The following SETD9 variants were observed in gnomAD, a reference collection of about 807,000 sequenced individuals.
The protein encoded by SETD9 is SET domain-containing protein 9.
In SETD9, 37 loss-of-function variants were observed where a neutral mutation model predicts 36.4. The ratio of observed to expected loss-of-function variants is 1.02; its 90% CI spans 0.78 to 1.34. SETD9 has a LOEUF of 1.34. Among genes scored for constraint, SETD9 ranks in the 40% most tolerant of loss-of-function variants. The pLI, the probability that SETD9 is intolerant of heterozygous loss-of-function variation, is 0.00. For synonymous variants in SETD9, 128 were observed against 132.9 expected (o/e 0.96, Z 0.26); for missense variants, 323 against 353.2 (o/e 0.91, Z 0.69).
downstream of SETD9, chr5:56,928,671 G>T (rs180973461): frequency 1.2e-6 from 1 of 825,358 alleles, no homozygotes. Context: ...GGGAACATTA[G>T]TAAGTTGTTC....
At chr5:56,923,912 T>C (rs375975736) in intron 5 of SETD9, 70 of 1,613,990 alleles carry the variant, frequency 4.3e-5, no homozygotes, top group Non-Finnish European at 5.8e-5. Flanking sequence ...CCACAGTACT[T>C]ACGTAACTCC....
downstream of SETD9, among the ~76,000 whole-genome samples, chr5:56,927,009 A>C (rs1750018815): frequency 6.6e-6 from 1 of 152,202 alleles, no homozygotes; most frequent in Non-Finnish European, 1.5e-5. Context: ...ATACTGTATA[A>C]TTCCAACTAT....
chr5:56,917,409 CATT>C (rs1749482785), downstream of SETD9: 7 of 733,106 alleles, frequency 9.5e-6, no homozygotes, highest in Non-Finnish European at 1.2e-5. Flanking sequence ...AATGTGAGGT[CATT>C]ATTACTATTT....
chr5:56,917,620 C>A (rs1263496343), downstream of SETD9, among the ~76,000 whole-genome samples: 1 of 152,136 alleles, frequency 6.6e-6, no homozygotes, highest in Non-Finnish European at 1.5e-5. Context: ...AACTAGGCAC[C>A]CATGTCCTAT....
At chr5:56,919,240 C>G (rs1749552298), downstream of SETD9, among the ~76,000 whole-genome samples, 1 of 151,638 alleles carries the variant, frequency 6.6e-6, no homozygotes, top group South Asian at 2.1e-4. Flanking sequence ...ATTTTCCTGC[C>G]TCAGCCTCCT....
chr5:56,924,099 ACTTTT>A (rs1184832444), intron 5 of SETD9: 5 of 1,569,848 alleles, frequency 3.2e-6, no homozygotes, highest in Non-Finnish European at 4.3e-6. Flanking sequence ...TTTTTAAGCA[ACTTTT>A]CTTTTCCACA....
At chr5:56,923,977 A>G (rs370145330) in intron 5 of SETD9, 60 of 1,613,988 alleles carry the variant, frequency 3.7e-5, no homozygotes, top group Non-Finnish European at 5.0e-5. Context: ...CAAAGTAATC[A>G]TAACGTTCAG....
downstream of SETD9, among the ~76,000 whole-genome samples, chr5:56,918,978 C>T (rs909710775): frequency 2.6e-5 from 4 of 152,122 alleles, no homozygotes; most frequent in African/African-American, 9.7e-5. Context: ...ACTAGTTGAC[C>T]ATAAATGTAG....
rs1233866540 is a variant in SETD9, at chr5:56,916,881, C to G, written c.879C>G (p.Asn293Lys). 6.2e-7 allele frequency: 1 copy of G among 1,605,738 alleles called. No homozygotes were observed. The highest frequency in any genetic ancestry group is 8.5e-7 in the Non-Finnish European group (1 of 1,177,146). ...ATCAAGGAGAAGAGCTTTTTTCAAACTACTACACAATTGTCAGCTAACTCT... is the reference window on the plus strand; with the variant it reads ...ATCAAGGAGAAGAGCTTTTTTCAAAGTACTACACAATTGTCAGCTAACTCT... ...DINQGEELFS[N>K]YYTIVS is the part of the protein sequence containing the mutation. The change falls in exon 6 of 6, where the codon AAC becomes AAG. Residue 293 changes from asparagine (N) to lysine (K), a missense_variant. Transcript: ENST00000285947.
chr5:56,923,901 G>T (rs774572005), intron 5 of SETD9: 1 of 1,613,860 alleles, frequency 6.2e-7, no homozygotes, highest in African/African-American at 1.3e-5. Context: ...TGAAGGCAAG[G>T]CCACAGTACT....
chr5:56,924,006 A>G, intron 5 of SETD9: 1 of 1,614,056 alleles, frequency 6.2e-7, no homozygotes. Flanking sequence ...CACATATAGT[A>G]GAATGCTACA....
In SETD9 at chr5:56,909,652, G is replaced by C. The variant is rs141021686; in HGVS notation, c.7G>C (p.Gly3Arg). 5.0e-6 allele frequency: 8 copies of C among 1,607,110 alleles called. No individual in the cohort carries two copies. The highest frequency in any genetic ancestry group is 6.8e-6 in the Non-Finnish European group (8 of 1,177,628). Reference sequence around the variant, plus strand: ...ACGGCCCCGCGGGGCAGCCATGCCTGGCCGTCTGCTGCGGGGCCTGTGGCA... The same window carrying C: ...ACGGCCCCGCGGGGCAGCCATGCCTCGCCGTCTGCTGCGGGGCCTGTGGCA... The part of the protein sequence containing the change: MP[G>R]RLLRGLWQRW... The change falls in exon 1 of 6, where the codon GGC (glycine) becomes CGC (arginine). Residue 3 changes from glycine (G) to arginine (R), a missense_variant. Gly to Arg is a moderately radical substitution (Grantham distance 125). Transcript: ENST00000285947.
chr5:56,928,246 A>G (rs1750095381), downstream of SETD9: 1 of 152,266 alleles, frequency 6.6e-6, no homozygotes, highest in South Asian at 2.1e-4. Context: ...TTATACGGTA[A>G]GAGTATGGTT....
rs1561222981 is a variant in SETD9 at position 56,916,993 on chromosome 5, C to T, written c.*91C>T. 7.1e-7 allele frequency: 1 copy of T among 1,403,928 alleles called. No individual in the cohort carries two copies. Among genetic ancestry groups the T allele is most frequent in the East Asian group, 2.9e-5 (1 of 34,974 alleles). The allele number at this position is 1,403,928 out of a possible 1,614,324, so 87.0% of individuals were successfully genotyped here. On this transcript the variant is annotated 3_prime_UTR_variant, in exon 6 of 6. Transcript: ENST00000285947. ...ACTTCTCTGAGTTCTACCTGTAAAACAAATATTTTGAGACTTAATTGGAAT... is the reference window on the plus strand; with the variant it reads ...ACTTCTCTGAGTTCTACCTGTAAAATAAATATTTTGAGACTTAATTGGAAT...
At chr5:56,909,424 A>C, upstream of SETD9, 2 of 437,758 alleles carry the variant, frequency 4.6e-6, no homozygotes, top group Non-Finnish European at 8.0e-6. Flanking sequence ...GGTCAAGGGG[A>C]CCTCCTTCCA....
chr5:56,918,644 T>C (rs114420813), downstream of SETD9, among the ~76,000 whole-genome samples: 3,219 of 152,152 alleles, frequency 0.021, 130 homozygotes, highest in African/African-American at 0.073. Context: ...CTTCTGTGCA[T>C]GTGTCCACCA....
downstream of SETD9, chr5:56,921,255 T>C (rs1749657757): frequency 6.6e-6 from 1 of 152,542 alleles, no homozygotes; most frequent in Admixed American, 6.5e-5. Flanking sequence ...GCCAGTATCT[T>C]ACTAAATTAT....
chr5:56,909,574 C>A (rs1178502790), upstream of SETD9: 17 of 1,273,802 alleles, frequency 1.3e-5, no homozygotes, highest in Non-Finnish European at 1.7e-5. Flanking sequence ...CCTCTCCTCC[C>A]GGGCCGGGGC....
intron 2 of SETD9, 162 bp downstream of exon 2, chr5:56,911,698 T>A (rs1749139610): frequency 1.4e-6 from 1 of 734,386 alleles, no homozygotes; most frequent in Admixed American, 3.4e-5. Context: ...TAACTGTTTG[T>A]AAATTGTTTT....
Sources: allele counts gnomAD v4.1 joint callset (sites outside exome capture counted in the v4.1 genomes callset), GRCh38; gene constraint gnomAD v4.1.1; transcripts MANE v1.5; gene names NCBI Gene and HGNC (gene_info 2026-07-23, HGNC 2026-07-21).